AGAP1: variants seen among roughly 807,000 people sequenced by gnomAD.
AGAP1 encodes ArfGAP with GTPase domain, ankyrin repeat and PH domain 1, also known as arf-GAP with GTPase, ANK repeat and PH domain-containing protein 1.
Under a neutral mutation model 105.3 loss-of-function variants are expected in AGAP1, and 29 were observed. That is an observed-to-expected ratio of 0.28 (90% CI 0.21 to 0.38). The LOEUF (loss-of-function observed/expected upper bound fraction) is 0.38. AGAP1 is among the 10% of genes least tolerant of loss of function. The pLI is 1.00. For missense variants in AGAP1, 998 were observed against 1,165.1 expected (o/e 0.86, Z 2.09); for synonymous variants, 509 against 485.9 (o/e 1.05, Z -0.63).
rs1402952104 is a variant in AGAP1, at chr2:235,729,102, T to C, written c.310+11458T>C. Among the ~76,000 whole-genome samples the C allele has an allele frequency of 2.0e-5, 3 of 152,234 alleles. No homozygotes were observed. Among genetic ancestry groups the C allele is most frequent in the Admixed American group, 2.0e-4 (3 of 15,298 alleles). Reference sequence around the variant, plus strand: ...AGGCTATTAGCAGGAGCACTGGCTTTGGAGGGGGACCTAAGAGGACAGATA... The same window carrying C: ...AGGCTATTAGCAGGAGCACTGGCTTCGGAGGGGGACCTAAGAGGACAGATA... On this transcript the variant is annotated intron_variant, in intron 3 of 17. Transcript: ENST00000304032. This position sits in a 1 kb window ranked among gnomAD's most constrained non-coding sequence, Gnocchi z 5.0.
chr2:235,805,557 A>T (rs189574039), intron 8 of AGAP1, among the ~76,000 whole-genome samples: 3,492 of 152,144 alleles, frequency 0.023, 137 homozygotes, highest in African/African-American at 0.078. Context: ...TTAAAAAAAA[A>T]TTTTTTTAAT....
intron 1 of AGAP1, among the ~76,000 whole-genome samples, chr2:235,579,182 TG>T (rs1192371118): frequency 6.6e-6 from 1 of 152,210 alleles, no homozygotes. Flanking sequence ...TGTCAGCCCC[TG>T]CCCACTGAGG....
At chr2:236,065,283 C>T (rs564311098) in intron 16 of AGAP1, among the ~76,000 whole-genome samples, 95 of 152,306 alleles carry the variant, frequency 6.2e-4, no homozygotes, top group African/African-American at 2.2e-3. Context: ...CGTCCATTGG[C>T]TTTGAGTTAG....
chr2:235,590,680 T>TGTGTGTGCGTGTGC (rs1553574141), intron 1 of AGAP1, among the ~76,000 whole-genome samples: 15 of 116,570 alleles, frequency 1.3e-4, no homozygotes, highest in African/African-American at 5.2e-4. Flanking sequence ...TGTGTGTGTG[T>TGTGTGTGCGTGTGC]GTGTGCGTGT....
Position 235,754,306 on chromosome 2 carries a change from T to A in AGAP1, c.673+3818T>A, listed in dbSNP as rs1334576801. 6.6e-6 allele frequency among the ~76,000 whole-genome samples: 1 copy of A among 152,212 alleles called. No individual in the cohort carries two copies. The highest frequency in any genetic ancestry group is 1.5e-5 in the Non-Finnish European group (1 of 68,036). ...CAGTTTATTCACATTTCTTGATAAC[T>A]CTCTGGCTTCTTTTTTGCCCTAGGG... is the stretch of plus-strand genomic sequence containing the variant. On this transcript the variant is annotated intron_variant, in intron 6 of 17. Transcript: ENST00000304032. This position sits in a 1 kb window ranked among gnomAD's most constrained non-coding sequence, Gnocchi z 4.6.
Position 236,036,625 on chromosome 2 carries a change from C to T in AGAP1, c.1710C>T (p.Ala570=). The change falls in exon 14 of 18, where the codon GCC becomes GCT. Residue 570 remains alanine (A), a synonymous_variant. Transcript: ENST00000304032. The surrounding 1 kb of genome is among the most constrained non-coding windows in gnomAD (Gnocchi z 5.7). The part of the protein sequence containing the change: ...SLTGQTWHFE[A]TTYEERDAWV... The stretch of plus-strand genomic sequence containing the variant: ...CTGGCCAAACATGGCACTTTGAAGC[C>T]ACGACGTATGAGGAGCGGGACGCCT... The T allele has an allele frequency of 1.2e-6, 2 of 1,614,198 alleles. No individual in the cohort carries two copies.
intron 9 of AGAP1, among the ~76,000 whole-genome samples, chr2:235,876,695 C>T (rs1293025165): frequency 1.3e-5 from 2 of 152,228 alleles, no homozygotes; most frequent in African/African-American, 4.8e-5. Context: ...CCCCACCTCA[C>T]CCAGCACCTT....
At chr2:236,052,411 C>G (rs1451574610) in intron 16 of AGAP1, among the ~76,000 whole-genome samples, 1 of 152,158 alleles carries the variant, frequency 6.6e-6, no homozygotes, top group South Asian at 2.1e-4. Context: ...ACTGGAGTCA[C>G]CTATTCGTGC....
intron 1 of AGAP1, among the ~76,000 whole-genome samples, chr2:235,657,936 G>A (rs1181712026): frequency 6.6e-6 from 1 of 152,144 alleles, no homozygotes; most frequent in Non-Finnish European, 1.5e-5. Flanking sequence ...GGACACAGGG[G>A]GAAGACGGCA....
At chr2:236,011,563 A>G (rs977737438) in intron 13 of AGAP1, among the ~76,000 whole-genome samples, 1 of 152,222 alleles carries the variant, frequency 6.6e-6, no homozygotes, top group Admixed American at 6.5e-5. Flanking sequence ...GGAAAACACT[A>G]ACGGAATGCT....
At chr2:235,730,266 C>T (rs1399315358) in intron 3 of AGAP1, among the ~76,000 whole-genome samples, 23 of 152,120 alleles carry the variant, frequency 1.5e-4, no homozygotes, top group Admixed American at 1.3e-4. Context: ...CCTGTGTGCC[C>T]GTGTCGGCAG....
At chr2:235,514,208 T>C (rs1390700459) in intron 1 of AGAP1, among the ~76,000 whole-genome samples, 1 of 152,252 alleles carries the variant, frequency 6.6e-6, no homozygotes, top group Non-Finnish European at 1.5e-5. Context: ...AGAATGTTGA[T>C]GTGGCAATTC....
rs1944022558 is a variant in AGAP1 at position 235,557,886 on chromosome 2, AT to A, written c.163+63039del. On this transcript the variant is annotated intron_variant, in intron 1 of 17. Transcript: ENST00000304032. This position sits in a 1 kb window ranked among gnomAD's most constrained non-coding sequence, Gnocchi z 4.7. Reference sequence around the variant, plus strand: ...TGCTTAAATGACATTTGAGGAACCTATTGGTGCTTTCTTGAGCCCTGCGCCA... The same window carrying A: ...TGCTTAAATGACATTTGAGGAACCTATGGTGCTTTCTTGAGCCCTGCGCCA... 6.6e-6 allele frequency among the ~76,000 whole-genome samples: 1 copy of A among 152,156 alleles called. No homozygotes were observed. The highest frequency in any genetic ancestry group is 1.5e-5 in the Non-Finnish European group (1 of 68,032).
At chr2:235,912,493 C>T (rs2051667363) in intron 11 of AGAP1, among the ~76,000 whole-genome samples, 1 of 152,096 alleles carries the variant, frequency 6.6e-6, no homozygotes, top group Non-Finnish European at 1.5e-5. Context: ...GGTTTTCTTT[C>T]TTTGTATTTT....
rs1474960223 is a variant in AGAP1 at position 235,732,648 on chromosome 2, T to A, written c.311-8315T>A. 6.6e-6 allele frequency among the ~76,000 whole-genome samples: 1 copy of A among 152,148 alleles called. No individual in the cohort carries two copies. Among genetic ancestry groups the A allele is most frequent in the Non-Finnish European group, 1.5e-5 (1 of 68,028 alleles). ...CCTGCTGGGGAGCCTTTGCATAATGTCCCCAGCCCTGCTCTTCAGCCTTCT... is the reference window on the plus strand; with the variant it reads ...CCTGCTGGGGAGCCTTTGCATAATGACCCCAGCCCTGCTCTTCAGCCTTCT... On this transcript the variant is annotated intron_variant, in intron 3 of 17. Transcript: ENST00000304032. The surrounding 1 kb of genome is among the most constrained non-coding windows in gnomAD (Gnocchi z 4.8).
rs1363283124 is a variant in AGAP1 at position 235,557,210 on chromosome 2, G to A, written c.163+62361G>A. Among the ~76,000 whole-genome samples the A allele has an allele frequency of 6.6e-6, 1 of 152,046 alleles. No homozygotes were observed. Among genetic ancestry groups the A allele is most frequent in the Non-Finnish European group, 1.5e-5 (1 of 68,010 alleles). On this transcript the variant is annotated intron_variant, in intron 1 of 17. Transcript: ENST00000304032. This position sits in a 1 kb window ranked among gnomAD's most constrained non-coding sequence, Gnocchi z 4.7. ...TCATGATCCTGGGAGGTGAAGCCCT[G>A]GGAACTGCCACTTGGAATGAGAGGG...
At chr2:235,903,760 T>C (rs2051170174) in intron 10 of AGAP1, among the ~76,000 whole-genome samples, 1 of 152,134 alleles carries the variant, frequency 6.6e-6, no homozygotes, top group South Asian at 2.1e-4. Flanking sequence ...TTTAGTAGCC[T>C]AATACGGTAT....
chr2:235,666,886 C>A (rs1948144376), intron 1 of AGAP1, among the ~76,000 whole-genome samples: 4 of 152,132 alleles, frequency 2.6e-5, no homozygotes, highest in African/African-American at 9.6e-5. Flanking sequence ...GTGAACATTG[C>A]CCTGGTCTCA....
chr2:235,908,589 G>C lies in AGAP1; in HGVS notation c.1156-149G>C. The C allele has an allele frequency of 1.5e-6, 1 of 668,976 alleles. No homozygotes were observed. Among genetic ancestry groups the C allele is most frequent in the Non-Finnish European group, 2.4e-6 (1 of 411,050 alleles). 41.4% of individuals were successfully genotyped at this position (668,976 alleles called of 1,614,324 possible). A position where few individuals can be genotyped will look rare whatever the true frequency, so the allele number is the denominator to read the frequency against. ...ATAATGATGTTACCAGTACTCTATA[G>C]ATAAAAATCTCATGATTTTTAAAGT... On this transcript the variant is annotated intron_variant, in intron 10 of 17. Coordinates refer to ENST00000304032, the MANE Select transcript of AGAP1 (RefSeq NM_001037131.3). This position sits in a 1 kb window ranked among gnomAD's most constrained non-coding sequence, Gnocchi z 4.4.
Sources: gnomAD v4.1 joint callset for allele counts (sites outside exome capture counted in the v4.1 genomes callset) on GRCh38, gnomAD v4.1.1 for gene constraint, Gnocchi (gnomAD v3.1) non-coding constraint, MANE v1.5 for transcripts, NCBI Gene and HGNC (gene_info 2026-07-23, HGNC 2026-07-21) for gene names.